The following PHKB variants were observed in gnomAD, a reference collection of about 807,000 sequenced individuals.
The protein encoded by PHKB is phosphorylase kinase regulatory subunit beta.
In PHKB, 122 loss-of-function variants were observed where a neutral mutation model predicts 152.1. The ratio of observed to expected loss-of-function variants is 0.80; its 90% confidence interval spans 0.69 to 0.93. The LOEUF (loss-of-function observed/expected upper bound fraction) is 0.93. Among genes scored for constraint, PHKB ranks in the 40% least tolerant of loss-of-function variants. The probability of loss-of-function intolerance (pLI) is 0.00; values close to 1 mark genes in which losing one functional copy is unlikely to be tolerated. For synonymous variants in PHKB, 436 were observed against 464.9 expected (o/e 0.94, Z 0.80); for missense variants, 1,304 against 1,328.4 (o/e 0.98, Z 0.29).
chr16:47,581,019 C>G (rs1971835006), intron 8 of PHKB, among the ~76,000 whole-genome samples: 1 of 152,004 alleles, frequency 6.6e-6, no homozygotes, highest in South Asian at 2.1e-4. Context: ...AGAAGTAGGC[C>G]AATTTTCTTT....
At chr16:47,649,318 A>C in intron 18 of PHKB, 114 bp downstream of exon 18, 1 of 740,752 alleles carries the variant, frequency 1.3e-6, no homozygotes, top group Non-Finnish European at 2.5e-6. Flanking sequence ...AACACAGTGT[A>C]AAGCATGACA....
chr16:47,578,761 T>G (rs1188439604), intron 7 of PHKB, among the ~76,000 whole-genome samples: 1 of 152,106 alleles, frequency 6.6e-6, no homozygotes, highest in Non-Finnish European at 1.5e-5. Flanking sequence ...GAGTTGGGAG[T>G]TGAGCATTGT....
Position 47,649,056 on chromosome 16 carries a change from G to A in PHKB, c.1693-44G>A, listed in dbSNP as rs753148980. On this transcript the variant is annotated intron_variant, in intron 17 of 30. Coordinates refer to ENST00000323584, the MANE Select transcript of PHKB (RefSeq NM_000293.3). ...CTTACAGCACTGCACCTTTGCCTTT[G>A]GTATGTTCTTTAGTTATTTGTTTTA... 1.0e-4 allele frequency: 105 copies of A among 1,049,248 alleles called. No individual in the cohort carries two copies. The Admixed American group carries it at 1.8e-3, about 18-fold the overall frequency. 65.0% of individuals were successfully genotyped at this position (1,049,248 alleles called of 1,614,324 possible). A position where few individuals can be genotyped will look rare whatever the true frequency, so the allele number is the denominator to read the frequency against.
chr16:47,561,420 CTT>C (rs1167497945), intron 7 of PHKB: 4 of 152,190 alleles, frequency 2.6e-5, no homozygotes, highest in Non-Finnish European at 5.9e-5. Context: ...AAAGTGATGT[CTT>C]TTCCAAATAT....
At position 47,648,513 on chromosome 16, in the gene PHKB, T is replaced by C. The variant is rs374125947; in HGVS notation, c.1609-20T>C. 256 of 1,556,484 alleles carry C rather than the reference T, an allele frequency of 1.6e-4. No individual in the cohort carries two copies. Among genetic ancestry groups the C allele is most frequent in the Non-Finnish European group, 2.0e-4 (222 of 1,127,870 alleles). On this transcript the variant is annotated intron_variant, in intron 16 of 30. Coordinates refer to ENST00000323584, the MANE Select transcript of PHKB (RefSeq NM_000293.3). Reference sequence around the variant, plus strand: ...CATGGATTCTTACCTGACTCTAATTTACAAACTTGTGTCTTACAGGCTTAT... The same window carrying C: ...CATGGATTCTTACCTGACTCTAATTCACAAACTTGTGTCTTACAGGCTTAT...
intron 14 of PHKB, among the ~76,000 whole-genome samples, chr16:47,622,925 T>C (rs2151715859): frequency 6.6e-6 from 1 of 152,310 alleles, no homozygotes; most frequent in Non-Finnish European, 1.5e-5. Flanking sequence ...TGCATAGAAT[T>C]TTGCATGAAT....
chr16:47,467,440 A>AT (rs2151626429), intron 1 of PHKB, among the ~76,000 whole-genome samples: 1 of 152,318 alleles, frequency 6.6e-6, no homozygotes, highest in East Asian at 1.9e-4. Context: ...GATAGTTTCC[A>AT]TGGAAACTCC....
rs148298111 is a variant in PHKB, at chr16:47,599,337, T to C, written c.1363+2806T>C. Among the ~76,000 whole-genome samples, 634 of 152,312 alleles carry C rather than the reference T, an allele frequency of 4.2e-3. 6 individuals carry two copies. The highest frequency in any genetic ancestry group is 0.015 in the African/African-American group (604 of 41,556). Reference sequence around the variant, plus strand: ...ACCTTCTTTATCCTGCTTTTTGCCATATATCCAGCCTGGGTTTAGTACAAC... The same window carrying C: ...ACCTTCTTTATCCTGCTTTTTGCCACATATCCAGCCTGGGTTTAGTACAAC... On this transcript the variant is annotated intron_variant, in intron 13 of 30. Coordinates refer to ENST00000323584, the MANE Select transcript of PHKB (RefSeq NM_000293.3).
intron 3 of PHKB, among the ~76,000 whole-genome samples, chr16:47,502,623 T>G (rs1970341997): frequency 6.6e-6 from 1 of 152,234 alleles, no homozygotes; most frequent in Non-Finnish European, 1.5e-5. Flanking sequence ...CCTACAGGGA[T>G]AGCTAATAAA....
At chr16:47,507,430 A>G (rs1157614312) in intron 4 of PHKB, among the ~76,000 whole-genome samples, 1 of 152,176 alleles carries the variant, frequency 6.6e-6, no homozygotes, top group Non-Finnish European at 1.5e-5. Context: ...TGACTTTATA[A>G]TGGCATTTCT....
At chr16:47,679,070 C>G (rs1244081304) in intron 26 of PHKB, among the ~76,000 whole-genome samples, 1 of 152,126 alleles carries the variant, frequency 6.6e-6, no homozygotes, top group African/African-American at 2.4e-5. Flanking sequence ...TGTCAAAGAT[C>G]AGATGGTTGT....
chr16:47,609,803 CTTCTT>C (rs1284222844), intron 13 of PHKB, among the ~76,000 whole-genome samples: 1 of 151,924 alleles, frequency 6.6e-6, no homozygotes. Context: ...AGTCTTCTTT[CTTCTT>C]TTCTTGGTCA....
At chr16:47,573,661 C>T (rs1404277986) in intron 7 of PHKB, among the ~76,000 whole-genome samples, 1 of 152,222 alleles carries the variant, frequency 6.6e-6, no homozygotes, top group Non-Finnish European at 1.5e-5. Context: ...TTCCAGGCCA[C>T]ACCCCTCCCA....
intron 7 of PHKB, among the ~76,000 whole-genome samples, chr16:47,570,713 C>G (rs1971643822): frequency 6.7e-6 from 1 of 150,362 alleles, no homozygotes; most frequent in Non-Finnish European, 1.5e-5. Context: ...TATTGGTTTT[C>G]AACTTTCTCT....
intron 13 of PHKB, among the ~76,000 whole-genome samples, chr16:47,603,566 C>T (rs1972271957): frequency 6.7e-6 from 1 of 149,954 alleles, no homozygotes; most frequent in African/African-American, 2.5e-5. Context: ...TGCAGTGGCA[C>T]TATCTCGGCT....
At chr16:47,464,633 T>C (rs1969635579) in intron 1 of PHKB, among the ~76,000 whole-genome samples, 2 of 152,306 alleles carry the variant, frequency 1.3e-5, no homozygotes, top group East Asian at 3.9e-4. Context: ...GGGTGATTCA[T>C]GGACCCAGAC....
chr16:47,697,164 G>A (rs1328739884), intron 29 of PHKB, among the ~76,000 whole-genome samples: 1 of 152,166 alleles, frequency 6.6e-6, no homozygotes, highest in Non-Finnish European at 1.5e-5. Context: ...CTTTCCCTGG[G>A]CATGTATCCA....
chr16:47,503,197 A>C, intron 4 of PHKB, 107 bp downstream of exon 4: 2 of 847,130 alleles, frequency 2.4e-6, no homozygotes, highest in Non-Finnish European at 3.9e-6. Flanking sequence ...TCAAAGGGAA[A>C]GCCACATCCT....
chr16:47,602,234 T>C (rs1383260040), intron 13 of PHKB, among the ~76,000 whole-genome samples: 3 of 152,178 alleles, frequency 2.0e-5, no homozygotes, highest in East Asian at 1.9e-4. Flanking sequence ...CAGGATCTTT[T>C]TCTTTTGGGG....
Sources: allele counts gnomAD v4.1 joint callset (sites outside exome capture counted in the v4.1 genomes callset), GRCh38; gene constraint gnomAD v4.1.1; transcripts MANE v1.5; gene names NCBI Gene and HGNC (gene_info 2026-07-23, HGNC 2026-07-21).